The following ADCY10 variants were observed in gnomAD, a reference collection of about 807,000 sequenced individuals.
The protein encoded by ADCY10 is adenylate cyclase 10.
Under a neutral mutation model 183.3 loss-of-function variants are expected in ADCY10, and 156 were observed. The ratio of observed to expected loss-of-function variants is 0.85; its 90% CI spans 0.75 to 0.97. The LOEUF (loss-of-function observed/expected upper bound fraction) is 0.97. ADCY10 is among the 50% of genes least tolerant of loss of function. The pLI, the probability that ADCY10 is intolerant of heterozygous loss-of-function variation, is 0.00. For missense variants in ADCY10, 1,745 were observed against 1,934.3 expected (o/e 0.90, Z 1.84); for synonymous variants, 645 against 670.0 (o/e 0.96, Z 0.58).
In ADCY10 at chr1:167,861,016, T is replaced by C. The variant is rs140663029; in HGVS notation, c.1664A>G (p.Tyr555Cys). 1.0e-4 allele frequency: 167 copies of C among 1,614,196 alleles called. No homozygotes were observed. The African/African-American group carries it at 1.9e-3, about 19-fold the overall frequency. ...LNKISFHQTFYTIQMFMANVL... is the reference protein window; with the variant it reads ...LNKISFHQTFCTIQMFMANVL... ...ATTGGCCATGAACATCTGGATGGTATAGAAAGTTTGATGGAAGCTGATCTT... is the reference window on the plus strand; with the variant it reads ...ATTGGCCATGAACATCTGGATGGTACAGAAAGTTTGATGGAAGCTGATCTT... Residue 555 changes from tyrosine (Y) to cysteine (C), a missense_variant, in exon 15 of 33, where the codon TAT (tyrosine) becomes TGT (cysteine). Coordinates refer to ENST00000367851, the MANE Select transcript of ADCY10 (RefSeq NM_018417.6).
Position 167,907,112 on chromosome 1 carries a change from A to G in ADCY10, c.-58-1914T>C, listed in dbSNP as rs566129754. On this transcript the variant is annotated intron_variant, in intron 1 of 32. Transcript: ENST00000367851. ...TTCTAGCTAGTCCCAGACAACATAT[A>G]TCTACAGATACTGAAAGAACTGACA... Among the ~76,000 whole-genome samples, 5 of 152,358 alleles carry G rather than the reference A, an allele frequency of 3.3e-5. No homozygotes were observed. In the East Asian group the frequency reaches 9.6e-4, roughly 29 times the overall value.
chr1:167,826,652 A>G (rs962304852), intron 26 of ADCY10, among the ~76,000 whole-genome samples: 10 of 152,252 alleles, frequency 6.6e-5, no homozygotes, highest in Admixed American at 1.3e-4. Context: ...CAAATGTTCT[A>G]GAAACTTAGG....
intron 1 of ADCY10, among the ~76,000 whole-genome samples, chr1:167,911,477 T>C (rs1670145764): frequency 6.6e-6 from 1 of 152,260 alleles, no homozygotes; most frequent in Non-Finnish European, 1.5e-5. Flanking sequence ...TATTTTTACT[T>C]TTCTCAGCAT....
intron 26 of ADCY10, among the ~76,000 whole-genome samples, chr1:167,826,457 C>A (rs1179104052): frequency 3.9e-5 from 6 of 152,240 alleles, no homozygotes; most frequent in Non-Finnish European, 8.8e-5. Context: ...GAGTCCCTCA[C>A]CTGCCTTTGA....
In ADCY10 at chr1:167,870,248, G is replaced by T; in HGVS notation, c.1616+9C>A. 2 of 1,613,874 alleles carry T rather than the reference G, an allele frequency of 1.2e-6. No homozygotes were observed. Among genetic ancestry groups the T allele is most frequent in the African/African-American group, 1.3e-5 (1 of 75,008 alleles). ...GGTTCACACAGAACAATCATTCCAA[G>T]ACACTCACCTGTGATTCTTACCTTG... On this transcript the variant is annotated intron_variant, in intron 14 of 32. Transcript: ENST00000367851.
Position 167,848,654 on chromosome 1 carries a change from G to GT in ADCY10, c.2309-166dup, listed in dbSNP as rs148055144. Among the ~76,000 whole-genome samples, 2,260 of 151,736 alleles carry GT rather than the reference G, an allele frequency of 0.015. 20 individuals are homozygous for GT. The highest frequency in any genetic ancestry group is 0.06 in the East Asian group (308 of 5,148). ...CCTTTTTTTTGTTTTGTTTTGTTTT[G>GT]TTTTTTGTTTTTTTGAGGTGGAGTC... is the stretch of plus-strand genomic sequence containing the variant. On this transcript the variant is annotated intron_variant, in intron 18 of 32. Coordinates refer to ENST00000367851, the MANE Select transcript of ADCY10 (RefSeq NM_018417.6).
chr1:167,869,884 C>A (rs1666976168), intron 14 of ADCY10, among the ~76,000 whole-genome samples: 1 of 152,120 alleles, frequency 6.6e-6, no homozygotes. Context: ...GGGGTTTTGT[C>A]TGCAGCTGGT....
intron 16 of ADCY10, 143 bp downstream of exon 16, chr1:167,859,664 G>A: frequency 6.6e-6 from 5 of 757,144 alleles, no homozygotes; most frequent in Non-Finnish European, 1.2e-5. Flanking sequence ...GAAGGATGGA[G>A]GAGAATGAAG....
intron 21 of ADCY10, among the ~76,000 whole-genome samples, chr1:167,845,179 T>C (rs748226099): frequency 6.6e-6 from 1 of 152,206 alleles, no homozygotes; most frequent in African/African-American, 2.4e-5. Context: ...TGTTTCAAAC[T>C]AGACCAACAA....
At chr1:167,834,607 G>C (rs1196141203) in intron 23 of ADCY10, 1 of 200,598 alleles carries the variant, frequency 5.0e-6, no homozygotes, top group Non-Finnish European at 1.0e-5. Context: ...AACATCATTA[G>C]GCAAATCTTA....
chr1:167,841,329 C>A lies in ADCY10; in HGVS notation c.3008-4011G>T, dbSNP rs116812314. Reference sequence around the variant, plus strand: ...CTTAGGGTCACTGCATTCTCTACCCCTCTGCCTAGAACAGTCTTCCCCAGC... The same window carrying A: ...CTTAGGGTCACTGCATTCTCTACCCATCTGCCTAGAACAGTCTTCCCCAGC... On this transcript the variant is annotated intron_variant, in intron 21 of 32. Transcript: ENST00000367851. Among the ~76,000 whole-genome samples, 602 of 152,096 alleles carry A rather than the reference C, an allele frequency of 4.0e-3. 3 individuals carry two copies. The highest frequency in any genetic ancestry group is 0.014 in the African/African-American group (561 of 41,452).
chr1:167,820,370 T>A (rs1306625964), intron 30 of ADCY10: 3 of 618,164 alleles, frequency 4.9e-6, no homozygotes, highest in Non-Finnish European at 7.9e-6. Context: ...AGCCCGCGCC[T>A]CGCCTAGCCC....
chr1:167,893,955 A>T lies in ADCY10; in HGVS notation c.740-14T>A. The stretch of plus-strand genomic sequence containing the variant: ...GCCTCAGGAGGTCTAAGAAGGCAGA[A>T]GGAGGGTGCAGGCTCAGAGAGGGAA... On this transcript the variant is annotated splice_polypyrimidine_tract_variant and intron_variant, in intron 7 of 32. Coordinates refer to ENST00000367851, the MANE Select transcript of ADCY10 (RefSeq NM_018417.6). 1 of 1,600,940 alleles carries T rather than the reference A, an allele frequency of 6.2e-7. No homozygotes were observed. Among genetic ancestry groups the T allele is most frequent in the Non-Finnish European group, 8.6e-7 (1 of 1,168,442 alleles).
At chr1:167,862,658 A>G (rs1371396733) in intron 14 of ADCY10, among the ~76,000 whole-genome samples, 1 of 152,252 alleles carries the variant, frequency 6.6e-6, no homozygotes, top group Non-Finnish European at 1.5e-5. Flanking sequence ...TAGGAATTCA[A>G]TTAATGATTG....
In ADCY10 at chr1:167,819,247, A is replaced by ATTTTT. The variant is rs11454786; in HGVS notation, c.4287-985_4287-981dup. On this transcript the variant is annotated intron_variant, in intron 30 of 32. Coordinates refer to ENST00000367851, the MANE Select transcript of ADCY10 (RefSeq NM_018417.6). ...GAATATTTTCTGTGTAGAAAATCCG[A>ATTTTT]TTTTTTTTTTTTTTTTTTTTTAGAT... 4.5e-4 allele frequency among the ~76,000 whole-genome samples: 58 copies of ATTTTT among 128,332 alleles called. 1 individual carries two copies. The East Asian group carries it at 0.011, about 25-fold the overall frequency. 84.2% of individuals were successfully genotyped at this position (128,332 alleles called of 152,430 possible).
Position 167,861,191 on chromosome 1 carries a change from C to T in ADCY10, c.1617-128G>A, listed in dbSNP as rs1274377228. ...ATGATGGAGATTTTCCAAGCTATCT[C>T]GCAATGGTTCTTTATTGCTGCTTCT... On this transcript the variant is annotated intron_variant, in intron 14 of 32. Coordinates refer to ENST00000367851, the MANE Select transcript of ADCY10 (RefSeq NM_018417.6). The T allele has an allele frequency of 3.6e-5, 29 of 802,626 alleles. No individual in the cohort carries two copies. In the East Asian group the frequency reaches 5.6e-4, roughly 16 times the overall value. 49.7% of individuals were successfully genotyped at this position (802,626 alleles called of 1,614,324 possible).
At position 167,809,742 on chromosome 1, in the gene ADCY10, T is replaced by A. The variant is rs141927353; in HGVS notation, c.4769A>T (p.Asn1590Ile). 9.3e-6 allele frequency: 15 copies of A among 1,614,190 alleles called. No homozygotes were observed. In the African/African-American group the frequency reaches 1.9e-4, roughly 20 times the overall value. ...TTTGTTTTTTTGAAGATCCTGAATG[T>A]TTACCCTGCCTGCTACAATTTTTTC... ...SWEKIVAGRV[N>I]IQDLQKNKFL... The change falls in exon 33 of 33, where the codon AAC (asparagine) becomes ATC (isoleucine). Residue 1590 changes from asparagine (N) to isoleucine (I), a missense_variant. By Grantham distance (149) the Asn-to-Ile change is moderately radical. Coordinates refer to ENST00000367851, the MANE Select transcript of ADCY10 (RefSeq NM_018417.6).
chr1:167,907,971 T>C (rs1571475412), intron 1 of ADCY10, among the ~76,000 whole-genome samples: 1 of 152,148 alleles, frequency 6.6e-6, no homozygotes, highest in East Asian at 1.9e-4. Context: ...AAAGATATAA[T>C]TGAAAGTACG....
chr1:167,824,920 C>T, intron 26 of ADCY10, 65 bp from the exon 27 acceptor site: 2 of 1,402,746 alleles, frequency 1.4e-6, no homozygotes, highest in Admixed American at 1.7e-5. Context: ...GAACATCACT[C>T]AATGTCTGCC....
Sources: gnomAD v4.1 joint callset for allele counts (sites outside exome capture counted in the v4.1 genomes callset) on GRCh38, gnomAD v4.1.1 for gene constraint, MANE v1.5 for transcripts, NCBI Gene and HGNC (gene_info 2026-07-23, HGNC 2026-07-21) for gene names.